Variants in PIEZO2 observed in about 807,000 individuals in gnomAD.
The protein encoded by PIEZO2 is piezo-type mechanosensitive ion channel component 2.
A neutral mutation model predicts 337.3 loss-of-function variants in PIEZO2; 172 were observed. The ratio of observed to expected loss-of-function variants is 0.51; its 90% confidence interval spans 0.45 to 0.58. The LOEUF (loss-of-function observed/expected upper bound fraction) is 0.58. PIEZO2 is among the 20% of genes least tolerant of loss of function. The pLI, the probability that PIEZO2 is intolerant of heterozygous loss-of-function variation, is 0.00. For synonymous variants in PIEZO2, 1,251 were observed against 1,228.5 expected (o/e 1.02, Z -0.38); for missense variants, 3,028 against 3,391.3 (o/e 0.89, Z 2.66).
chr18:10,861,133 G>T lies in PIEZO2; in HGVS notation c.493-3922C>A, dbSNP rs1265588133. On this transcript the variant is annotated intron_variant, in intron 5 of 55. Coordinates refer to ENST00000674853, the MANE Select transcript of PIEZO2 (RefSeq NM_001378183.1). This position sits in a 1 kb window ranked among gnomAD's most constrained non-coding sequence, Gnocchi z 4.3. ...AAACACTGAACCTCTGAAAGAGCATGGACTCACTCTCGCATGTTTACTAAC... is the reference window on the plus strand; with the variant it reads ...AAACACTGAACCTCTGAAAGAGCATTGACTCACTCTCGCATGTTTACTAAC... Among the ~76,000 whole-genome samples the T allele has an allele frequency of 6.6e-6, 1 of 152,168 alleles. No individual in the cohort carries two copies. Among genetic ancestry groups the T allele is most frequent in the African/African-American group, 2.4e-5 (1 of 41,442 alleles).
chr18:10,913,845 T>C (rs1306879757), intron 3 of PIEZO2, among the ~76,000 whole-genome samples: 1 of 152,064 alleles, frequency 6.6e-6, no homozygotes, highest in Admixed American at 6.6e-5. Context: ...AATTTCAGTG[T>C]CTGACATACC....
chr18:10,689,836 C>T (rs374079169), intron 48 of PIEZO2, 34 bp from the exon 49 acceptor site: 28 of 1,575,944 alleles, frequency 1.8e-5, no homozygotes, highest in Non-Finnish European at 1.7e-5. Context: ...GAGAGACATT[C>T]GTGGGTGGCC....
rs1016209389 is a variant in PIEZO2, at chr18:10,847,950, A to T, written c.917+7403T>A. Among the ~76,000 whole-genome samples, 1 of 152,144 alleles carries T rather than the reference A, an allele frequency of 6.6e-6. No homozygotes were observed. The highest frequency in any genetic ancestry group is 1.5e-5 in the Non-Finnish European group (1 of 68,036). On this transcript the variant is annotated intron_variant, in intron 7 of 55. Transcript: ENST00000674853. The surrounding 1 kb of genome is among the most constrained non-coding windows in gnomAD (Gnocchi z 5.7). Reference sequence around the variant, plus strand: ...TTAGCATTATAATAACGTGCTTTACATTTGTTTTTCTCCACACACTGGACC... The same window carrying T: ...TTAGCATTATAATAACGTGCTTTACTTTTGTTTTTCTCCACACACTGGACC...
rs1259323196 is a variant in PIEZO2, at chr18:11,021,732, CTATTCAATG to C, written c.161-42081_161-42073del. Among the ~76,000 whole-genome samples, 3 of 152,308 alleles carry C rather than the reference CTATTCAATG, an allele frequency of 2.0e-5. No homozygotes were observed. In the East Asian group the frequency reaches 5.8e-4, roughly 29 times the overall value. On this transcript the variant is annotated intron_variant, in intron 2 of 55. Coordinates refer to ENST00000674853, the MANE Select transcript of PIEZO2 (RefSeq NM_001378183.1). This position sits in a 1 kb window ranked among gnomAD's most constrained non-coding sequence, Gnocchi z 4.7. ...CCACCCATGCCTTCACAAGTTCATT[CTATTCAATG>C]TATGAGTCTGAGCACCTGCAGTGTG...
intron 11 of PIEZO2, among the ~76,000 whole-genome samples, chr18:10,798,586 T>C (rs2039693965): frequency 6.6e-6 from 1 of 152,246 alleles, no homozygotes; most frequent in African/African-American, 2.4e-5. Context: ...TTTTTGTGTA[T>C]ATAGATTTAA....
At chr18:10,800,282 G>A in intron 11 of PIEZO2, 55 bp downstream of exon 11, 1 of 1,495,590 alleles carries the variant, frequency 6.7e-7, no homozygotes, top group Non-Finnish European at 8.8e-7. Flanking sequence ...AAAGAGAGAG[G>A]CCAAGCTTCT....
chr18:10,801,524 C>G (rs945778337), intron 9 of PIEZO2, 96 bp from the exon 10 acceptor site: 1 of 1,123,490 alleles, frequency 8.9e-7, no homozygotes, highest in Non-Finnish European at 1.3e-6. Context: ...CAAGCCCATT[C>G]TCTTTAACTT....
intron 2 of PIEZO2, among the ~76,000 whole-genome samples, chr18:11,063,287 G>T (rs943012883): frequency 7.4e-6 from 1 of 134,310 alleles, no homozygotes; most frequent in Non-Finnish European, 1.6e-5. Context: ...GTTGTGGGGT[G>T]GGGGGAGTGG....
Position 11,102,428 on chromosome 18 carries a change from A to G in PIEZO2, c.65-36206T>C, listed in dbSNP as rs905571893. Among the ~76,000 whole-genome samples, 2 of 152,304 alleles carry G rather than the reference A, an allele frequency of 1.3e-5. No homozygotes were observed. The highest frequency in any genetic ancestry group is 6.5e-5 in the Admixed American group (1 of 15,306). On this transcript the variant is annotated intron_variant, in intron 1 of 55. Coordinates refer to ENST00000674853, the MANE Select transcript of PIEZO2 (RefSeq NM_001378183.1). This position sits in a 1 kb window ranked among gnomAD's most constrained non-coding sequence, Gnocchi z 5.7. Reference sequence around the variant, plus strand: ...GTGGGCAAAACCCTGATCTGATTGAAGATCGAATCTCACCCTGTCCCCCAC... The same window carrying G: ...GTGGGCAAAACCCTGATCTGATTGAGGATCGAATCTCACCCTGTCCCCCAC...
rs189477642 is a variant in PIEZO2 at position 10,770,275 on chromosome 18, C to T, written c.2819G>A (p.Arg940His). The T allele has an allele frequency of 1.2e-5, 19 of 1,537,382 alleles. No individual in the cohort carries two copies. Among genetic ancestry groups the T allele is most frequent in the African/African-American group, 2.7e-5 (2 of 73,002 alleles). ...GAATTTTAAGAAGAGCACAGTGAGG[C>T]GGTCAATCACCAGGTGCCATTTGTT... ...LRNKWHLVID[R>H]LTVLFLKFLE... Residue 940 changes from arginine to histidine, a missense_variant, in exon 21 of 56, where the codon CGC becomes CAC. Arg to His is a conservative substitution (Grantham distance 29). Transcript: ENST00000674853.
At chr18:10,792,626 C>T (rs2039442982) in intron 13 of PIEZO2, among the ~76,000 whole-genome samples, 1 of 152,114 alleles carries the variant, frequency 6.6e-6, no homozygotes, top group East Asian at 1.9e-4. Context: ...TTTTAAACAC[C>T]CAATAATACT....
chr18:10,893,887 T>TC (rs1481360833), intron 4 of PIEZO2, among the ~76,000 whole-genome samples: 1 of 152,296 alleles, frequency 6.6e-6, no homozygotes, highest in East Asian at 1.9e-4. Flanking sequence ...TGCAGCTTCC[T>TC]CCTGATACCC....
rs1234957396 is a variant in PIEZO2, at chr18:10,856,348, T to C, written c.703+653A>G. On this transcript the variant is annotated intron_variant, in intron 6 of 55. Transcript: ENST00000674853. The surrounding 1 kb of genome is among the most constrained non-coding windows in gnomAD (Gnocchi z 4.7). ...AGAAATTCTACTGTCATTTCCCCCA[T>C]TTTTCCCACTATTAAAAAACAGCTA... Among the ~76,000 whole-genome samples, 4 of 152,198 alleles carry C rather than the reference T, an allele frequency of 2.6e-5. No homozygotes were observed. Among genetic ancestry groups the C allele is most frequent in the Non-Finnish European group, 4.4e-5 (3 of 68,042 alleles).
At chr18:10,967,783 T>C (rs2034073063) in intron 3 of PIEZO2, among the ~76,000 whole-genome samples, 1 of 152,124 alleles carries the variant, frequency 6.6e-6, no homozygotes, top group Non-Finnish European at 1.5e-5. Flanking sequence ...ACTTTTTAAA[T>C]GAGATTCTTT....
chr18:10,991,155 TACACAC>T (rs374157292), intron 2 of PIEZO2, among the ~76,000 whole-genome samples: 3,626 of 140,606 alleles, frequency 0.026, 154 homozygotes, highest in African/African-American at 0.088. Flanking sequence ...GAAGGTTTTA[TACACAC>T]ACACACACAC....
Position 11,077,147 on chromosome 18 carries a change from C to T in PIEZO2, c.65-10925G>A, listed in dbSNP as rs1041892850. Among the ~76,000 whole-genome samples, 18 of 152,282 alleles carry T rather than the reference C, an allele frequency of 1.2e-4. No individual in the cohort carries two copies. The highest frequency in any genetic ancestry group is 6.2e-4 in the South Asian group (3 of 4,818). On this transcript the variant is annotated intron_variant, in intron 1 of 55. Coordinates refer to ENST00000674853, the MANE Select transcript of PIEZO2 (RefSeq NM_001378183.1). This position sits in a 1 kb window ranked among gnomAD's most constrained non-coding sequence, Gnocchi z 4.8. ...ATATAAAGAGCCCTTCACTGAAATC[C>T]ACAGTTCCTAAGCCTACCAAAATAA...
At chr18:10,860,433 A>G (rs2041842430) in intron 5 of PIEZO2, among the ~76,000 whole-genome samples, 1 of 152,050 alleles carries the variant, frequency 6.6e-6, no homozygotes, top group African/African-American at 2.4e-5. Flanking sequence ...TCCAGCTCCT[A>G]AGGCCCGGGT....
intron 2 of PIEZO2, among the ~76,000 whole-genome samples, chr18:10,986,807 T>A (rs952847638): frequency 6.6e-6 from 1 of 151,938 alleles, no homozygotes; most frequent in Non-Finnish European, 1.5e-5. Flanking sequence ...TATAATATTA[T>A]GTTTTGAAAA....
At chr18:11,071,162 A>G (rs912566579) in intron 1 of PIEZO2, among the ~76,000 whole-genome samples, 4 of 152,226 alleles carry the variant, frequency 2.6e-5, no homozygotes, top group African/African-American at 9.6e-5. Context: ...GTTGCTTTCT[A>G]CACCACTCCC....
Sources: allele counts gnomAD v4.1 joint callset (sites outside exome capture counted in the v4.1 genomes callset), GRCh38; gene constraint gnomAD v4.1.1; non-coding constraint Gnocchi (gnomAD v3.1); transcripts MANE v1.5; gene names NCBI Gene and HGNC (gene_info 2026-07-23, HGNC 2026-07-21).